The following PRKAG2 variants were observed in gnomAD, a reference collection of about 807,000 sequenced individuals.
The protein encoded by PRKAG2 is 5'-AMP-activated protein kinase subunit gamma-2.
In PRKAG2, 26 loss-of-function variants were observed where a neutral mutation model predicts 69.6. That is an observed-to-expected ratio of 0.37 (90% CI 0.27 to 0.52). The LOEUF (loss-of-function observed/expected upper bound fraction) is 0.52. Among genes scored for constraint, PRKAG2 ranks in the 20% least tolerant of loss-of-function variants. The pLI is 0.90. For synonymous variants in PRKAG2, 293 were observed against 285.0 expected, an observed-to-expected ratio of 1.03 and a Z score of -0.28; for missense variants, 557 against 740.0, an observed-to-expected ratio of 0.75 and a Z score of 2.87.
intron 1 of PRKAG2, among the ~76,000 whole-genome samples, chr7:151,845,261 C>T (rs899513835): frequency 7.9e-5 from 12 of 152,048 alleles, no homozygotes; most frequent in Non-Finnish European, 1.2e-4. Flanking sequence ...CAGGTGAAGA[C>T]GTTGTTAGTG....
intron 4 of PRKAG2, among the ~76,000 whole-genome samples, chr7:151,665,383 C>T (rs1014476708): frequency 2.6e-5 from 4 of 152,174 alleles, no homozygotes; most frequent in Admixed American, 1.3e-4. Flanking sequence ...AGACCCCGGC[C>T]ACTGCTCAGA....
chr7:151,708,990 G>C (rs561431914), intron 3 of PRKAG2, among the ~76,000 whole-genome samples: 1 of 152,176 alleles, frequency 6.6e-6, no homozygotes, highest in Non-Finnish European at 1.5e-5. Context: ...CAGAGGGGCC[G>C]GAAACCATGA....
intron 6 of PRKAG2, among the ~76,000 whole-genome samples, chr7:151,586,978 C>A (rs113932796): frequency 1.3e-5 from 2 of 152,050 alleles, no homozygotes; most frequent in Non-Finnish European, 2.9e-5. Context: ...CTGGCCAACA[C>A]GGTGAAACCA....
intron 5 of PRKAG2, among the ~76,000 whole-genome samples, chr7:151,626,078 G>A (rs1284267440): frequency 1.3e-5 from 2 of 152,226 alleles, no homozygotes; most frequent in African/African-American, 4.8e-5. Context: ...AAAGTTCTGA[G>A]ATGGGAGGTC....
rs1295582816 is a variant in PRKAG2, at chr7:151,807,044, A to G, written c.115-20503T>C. 3 of 447,138 alleles carry G rather than the reference A, an allele frequency of 6.7e-6. No homozygotes were observed. The highest frequency in any genetic ancestry group is 1.6e-5 in the South Asian group (1 of 62,092). 27.7% of individuals were successfully genotyped at this position (447,138 alleles called of 1,614,324 possible). ...GACATGGGATACACAAAGGTAAGAC[A>G]TGGACCCACCCTCAAGTCTGAAGGT... On this transcript the variant is annotated intron_variant, in intron 1 of 15. Transcript: ENST00000287878. This position sits in a 1 kb window ranked among gnomAD's most constrained non-coding sequence, Gnocchi z 4.4.
At chr7:151,601,264 C>T (rs191686188) in intron 5 of PRKAG2, among the ~76,000 whole-genome samples, 4 of 152,338 alleles carry the variant, frequency 2.6e-5, no homozygotes, top group African/African-American at 9.6e-5. Context: ...TCTAAAATGA[C>T]TTCTTCCCCT....
At position 151,783,912 on chromosome 7, in the gene PRKAG2, CAAAAAAAAAAAAAAA is replaced by C. The variant is rs536105914; in HGVS notation, c.187-2496_187-2482del. ...TTGGGTACAGAGCAAGACCCTGTCT[CAAAAAAAAAAAAAAA>C]AAAAAAAAAAAAGAGGTTCTTCTTC... On this transcript the variant is annotated intron_variant, in intron 2 of 15. Transcript: ENST00000287878. 0.011 allele frequency among the ~76,000 whole-genome samples: 306 copies of C among 28,954 alleles called. 14 individuals carry two copies. The East Asian group carries it at 0.25, about 24-fold the overall frequency. The allele number at this position is 28,954 out of a possible 152,430, so 19.0% of individuals were successfully genotyped here. A position where few individuals can be genotyped will look rare whatever the true frequency, so the allele number is the denominator to read the frequency against.
chr7:151,745,172 C>A (rs1000398587), intron 3 of PRKAG2, among the ~76,000 whole-genome samples: 2 of 152,148 alleles, frequency 1.3e-5, no homozygotes, highest in Non-Finnish European at 2.9e-5. Context: ...TGAACCTTTG[C>A]GGATCACGAG....
chr7:151,842,731 G>C (rs1586706293), intron 1 of PRKAG2, among the ~76,000 whole-genome samples: 1 of 151,492 alleles, frequency 6.6e-6, no homozygotes, highest in African/African-American at 2.4e-5. Flanking sequence ...TGATGGTTGT[G>C]ATAGTAGTGA....
chr7:151,584,757 T>C (rs1029712390), intron 6 of PRKAG2, among the ~76,000 whole-genome samples: 12 of 152,080 alleles, frequency 7.9e-5, no homozygotes, highest in Non-Finnish European at 1.6e-4. Flanking sequence ...ATTAACTGAA[T>C]GTGGTGGTGC....
chr7:151,684,616 G>A (rs1026231516), intron 3 of PRKAG2, among the ~76,000 whole-genome samples: 2 of 152,194 alleles, frequency 1.3e-5, no homozygotes, highest in Non-Finnish European at 2.9e-5. Context: ...CTGCTGGTCG[G>A]AAGCTCAGAG....
At chr7:151,729,019 A>G (rs2536066) in intron 3 of PRKAG2, among the ~76,000 whole-genome samples, 34,764 of 151,640 alleles carry the variant, frequency 0.23, 4,329 homozygotes, top group South Asian at 0.41. Context: ...CTGCTGAGTG[A>G]CTCCGGGAGT....
chr7:151,686,627 A>T (rs1834782991), intron 3 of PRKAG2, among the ~76,000 whole-genome samples: 1 of 152,126 alleles, frequency 6.6e-6, no homozygotes, highest in African/African-American at 2.4e-5. Flanking sequence ...CCTAAAAGAC[A>T]AGTTTCACAC....
intron 15 of PRKAG2, chr7:151,559,651 A>G (rs1049479131): frequency 1.0e-6 from 1 of 985,108 alleles, no homozygotes; most frequent in Admixed American, 6.2e-5. Context: ...TGGGTTACAG[A>G]CTTAATTGTA....
chr7:151,768,288 T>C (rs1377284430), intron 3 of PRKAG2, among the ~76,000 whole-genome samples: 1 of 152,202 alleles, frequency 6.6e-6, no homozygotes, highest in Non-Finnish European at 1.5e-5. Flanking sequence ...CCCCTTGTCA[T>C]CATTCATGAG....
intron 11 of PRKAG2, among the ~76,000 whole-genome samples, chr7:151,566,363 ACG>A (rs2150998747): frequency 6.6e-6 from 1 of 152,234 alleles, no homozygotes; most frequent in South Asian, 2.1e-4. Flanking sequence ...GCTAGTCCTC[ACG>A]CCACCCGCCT....
chr7:151,618,909 C>T (rs1444656645), intron 5 of PRKAG2, among the ~76,000 whole-genome samples: 3 of 151,928 alleles, frequency 2.0e-5, no homozygotes, highest in Non-Finnish European at 4.4e-5. Flanking sequence ...CTTTTTTTCC[C>T]CTTTCCATGC....
intron 1 of PRKAG2, among the ~76,000 whole-genome samples, chr7:151,857,381 A>G (rs1272041617): frequency 2.0e-5 from 3 of 146,554 alleles, no homozygotes; most frequent in African/African-American, 7.6e-5. Context: ...AGGTGGACCC[A>G]TCAGCAACTG....
intron 6 of PRKAG2, among the ~76,000 whole-genome samples, chr7:151,578,197 T>C (rs1809454988): frequency 6.6e-6 from 1 of 151,716 alleles, no homozygotes; most frequent in Non-Finnish European, 1.5e-5. Context: ...ATACAAAAAT[T>C]AGCTGGGCAT....
Sources: gnomAD v4.1 joint callset for allele counts (sites outside exome capture counted in the v4.1 genomes callset) on GRCh38, gnomAD v4.1.1 for gene constraint, Gnocchi (gnomAD v3.1) non-coding constraint, MANE v1.5 for transcripts, NCBI Gene and HGNC (gene_info 2026-07-23, HGNC 2026-07-21) for gene names.